Variants in TBC1D31 observed in about 807,000 individuals in gnomAD.
The protein encoded by TBC1D31 is WD repeat domain 67.
A neutral mutation model predicts 132.9 loss-of-function variants in TBC1D31; 99 were observed. The observed-to-expected ratio is 0.74, with a 90% CI of 0.63 to 0.88. The LOEUF is 0.88. Among genes scored for constraint, TBC1D31 ranks in the 40% least tolerant of loss-of-function variants. The pLI, the probability that TBC1D31 is intolerant of heterozygous loss-of-function variation, is 0.00. For missense variants in TBC1D31, 1,134 were observed against 1,256.6 expected (o/e 0.90, Z 1.48); for synonymous variants, 385 against 419.4 (o/e 0.92, Z 1.00).
chr8:123,124,508 C>T (rs1351346811), intron 11 of TBC1D31, among the ~76,000 whole-genome samples: 1 of 152,102 alleles, frequency 6.6e-6, no homozygotes, highest in Non-Finnish European at 1.5e-5. Flanking sequence ...GGAAAAACAG[C>T]GCTCTCTTAA....
chr8:123,163,459 A>T, the TBC1D31 span, among the ~76,000 whole-genome samples: 1 of 129,416 alleles, frequency 7.7e-6, no homozygotes, highest in African/African-American at 3.0e-5. Flanking sequence ...CCACCTCCCC[A>T]GCCTTAGTGA....
chr8:123,101,963 C>T (rs1817467074), intron 7 of TBC1D31, among the ~76,000 whole-genome samples: 1 of 152,200 alleles, frequency 6.6e-6, no homozygotes, highest in African/African-American at 2.4e-5. Context: ...GACTCTTCTG[C>T]CTGGCTCTCA....
intron 20 of TBC1D31, among the ~76,000 whole-genome samples, chr8:123,148,356 G>A (rs977361105): frequency 4.6e-5 from 7 of 152,178 alleles, no homozygotes; most frequent in African/African-American, 1.7e-4. Context: ...TGTTTGAACA[G>A]AGATAATATT....
intron 2 of TBC1D31, among the ~76,000 whole-genome samples, chr8:123,078,138 A>G (rs1470699908): frequency 6.6e-6 from 1 of 152,070 alleles, no homozygotes; most frequent in East Asian, 1.9e-4. Context: ...GGTGGGATTG[A>G]TGGAGATAGG....
At chr8:123,104,960 A>C (rs1164677482) in intron 7 of TBC1D31, among the ~76,000 whole-genome samples, 1 of 152,174 alleles carries the variant, frequency 6.6e-6, no homozygotes, top group East Asian at 1.9e-4. Context: ...TTTGCTGTAG[A>C]TAATAATCAC....
downstream of TBC1D31, among the ~76,000 whole-genome samples, chr8:123,156,304 A>G (rs1282380422): frequency 6.6e-6 from 1 of 152,000 alleles, no homozygotes; most frequent in African/African-American, 2.4e-5. Context: ...AGCCGAGTGT[A>G]GTGGTACGTG....
intron 4 of TBC1D31, among the ~76,000 whole-genome samples, chr8:123,091,297 T>C (rs1816300228): frequency 1.3e-5 from 2 of 152,230 alleles, no homozygotes; most frequent in South Asian, 4.1e-4. Flanking sequence ...AAAATAGCAG[T>C]TGATGCTCAT....
downstream of TBC1D31, among the ~76,000 whole-genome samples, chr8:123,154,814 T>A (rs1208689931): frequency 6.6e-6 from 1 of 151,994 alleles, no homozygotes; most frequent in Non-Finnish European, 1.5e-5. Flanking sequence ...CGACTAGATG[T>A]CCCCCATGCA....
At position 123,075,588 on chromosome 8, in the gene TBC1D31, A is replaced by G. The variant is rs1692432493; in HGVS notation, c.78-1523A>G. 2.6e-5 allele frequency among the ~76,000 whole-genome samples: 4 copies of G among 152,124 alleles called. No individual in the cohort carries two copies. In the South Asian group the frequency reaches 8.3e-4, roughly 32 times the overall value. ...CATGGTAGCGTGCACCTGTAATCCC[A>G]GCTACTCAGGAGGCTGAGGCAGGAG... On this transcript the variant is annotated intron_variant, in intron 1 of 21. Transcript: ENST00000287380.
chr8:123,073,448 G>A (rs532739928), intron 1 of TBC1D31: 11 of 455,556 alleles, frequency 2.4e-5, no homozygotes, highest in Non-Finnish European at 4.4e-5. Flanking sequence ...AGGGGCTGGG[G>A]CGTTCATTAT....
chr8:123,161,165 G>T, the TBC1D31 span, among the ~76,000 whole-genome samples: 2 of 152,186 alleles, frequency 1.3e-5, no homozygotes, highest in Non-Finnish European at 2.9e-5. Context: ...GGGGCTCCCC[G>T]ACCAAGACCT....
chr8:123,113,501 G>T (rs1249763242), intron 10 of TBC1D31, among the ~76,000 whole-genome samples: 1 of 152,110 alleles, frequency 6.6e-6, no homozygotes, highest in Non-Finnish European at 1.5e-5. Context: ...AAATAATTTT[G>T]ATGTTTTCTA....
rs369807831 is a variant in TBC1D31 at position 123,151,964 on chromosome 8, G to A, written c.*25G>A. The stretch of plus-strand genomic sequence containing the variant: ...GAATGCATGTCACCTTGAGACGGTC[G>A]AGAGAGAGACCTATTTTGCAATCAG... On this transcript the variant is annotated 3_prime_UTR_variant, in exon 22 of 22. Transcript: ENST00000287380. 9.6e-6 allele frequency: 14 copies of A among 1,452,014 alleles called. No individual in the cohort carries two copies. Among genetic ancestry groups the A allele is most frequent in the African/African-American group, 7.2e-5 (5 of 68,992 alleles). 89.9% of individuals were successfully genotyped at this position (1,452,014 alleles called of 1,614,324 possible).
intron 10 of TBC1D31, among the ~76,000 whole-genome samples, chr8:123,110,950 A>G (rs1410202431): frequency 6.6e-6 from 1 of 152,098 alleles, no homozygotes; most frequent in African/African-American, 2.4e-5. Flanking sequence ...TTTGTTGGAG[A>G]AACCAGATCG....
intron 17 of TBC1D31, among the ~76,000 whole-genome samples, chr8:123,138,779 G>A (rs1821336594): frequency 6.6e-6 from 1 of 152,042 alleles, no homozygotes; most frequent in Non-Finnish European, 1.5e-5. Flanking sequence ...TGTGATTAAT[G>A]TTTACTTAAA....
intron 20 of TBC1D31, among the ~76,000 whole-genome samples, chr8:123,146,067 G>A (rs1019026753): frequency 3.9e-5 from 6 of 151,910 alleles, no homozygotes; most frequent in South Asian, 2.1e-4. Flanking sequence ...ATGGGTTTTC[G>A]CCATGTTGGC....
chr8:123,101,126 A>G (rs1817371785), intron 7 of TBC1D31, 119 bp downstream of exon 7: 3 of 800,752 alleles, frequency 3.7e-6, no homozygotes, highest in Non-Finnish European at 5.9e-6. Context: ...ATTTTTCTGG[A>G]TATATTTTGT....
chr8:123,104,634 T>C (rs1817747441), intron 7 of TBC1D31, among the ~76,000 whole-genome samples: 1 of 152,154 alleles, frequency 6.6e-6, no homozygotes, highest in African/African-American at 2.4e-5. Flanking sequence ...ATGGAGAAAA[T>C]GTTCTAGTGA....
At chr8:123,105,226 T>C in intron 7 of TBC1D31, 62 bp from the exon 8 acceptor site, 10 of 1,242,264 alleles carry the variant, frequency 8.0e-6, no homozygotes, top group Non-Finnish European at 1.0e-5. Context: ...AAATCATACA[T>C]TAACAGGCCT....
Sources: gnomAD v4.1 joint callset for allele counts (sites outside exome capture counted in the v4.1 genomes callset) on GRCh38, gnomAD v4.1.1 for gene constraint, MANE v1.5 for transcripts, NCBI Gene and HGNC (gene_info 2026-07-23, HGNC 2026-07-21) for gene names.